The following CNTLN variants were observed in gnomAD, a reference collection of about 807,000 sequenced individuals.
CNTLN encodes the protein centlein.
CNTLN carries 212 observed loss-of-function variants against 180.0 expected under a neutral mutation model. The observed-to-expected ratio is 1.18, with a 90% CI of 1.05 to 1.32. The LOEUF is 1.32. Among genes scored for constraint, CNTLN ranks in the 40% most tolerant of loss-of-function variants. The probability of loss-of-function intolerance (pLI) is 0.00; values close to 1 mark genes in which losing one functional copy is unlikely to be tolerated. For missense variants in CNTLN, 2,095 were observed against 1,610.9 expected (o/e 1.30, Z -5.14); for synonymous variants, 722 against 563.1 (o/e 1.28, Z -3.99).
At chr9:17,522,782 T>C in the CNTLN span, among the ~76,000 whole-genome samples, 4 of 151,664 alleles carry the variant, frequency 2.6e-5, no homozygotes, top group African/African-American at 9.8e-5. Flanking sequence ...TTCCAAGGAT[T>C]GATGCCCAAG....
chr9:17,379,700 G>A (rs1825069045), intron 13 of CNTLN, among the ~76,000 whole-genome samples: 1 of 152,052 alleles, frequency 6.6e-6, no homozygotes, highest in Non-Finnish European at 1.5e-5. Context: ...TATTGAACAT[G>A]TTTTCTCTAG....
intron 2 of CNTLN, among the ~76,000 whole-genome samples, chr9:17,174,801 C>T (rs1472566510): frequency 2.0e-5 from 3 of 151,838 alleles, no homozygotes; most frequent in African/African-American, 7.3e-5. Flanking sequence ...GGTTTATCTG[C>T]TTCTTCACCA....
chr9:17,271,237 A>C (rs1030790875), intron 5 of CNTLN, among the ~76,000 whole-genome samples: 1 of 151,808 alleles, frequency 6.6e-6, no homozygotes, highest in African/African-American at 2.4e-5. Context: ...CACCGCGCCC[A>C]GCACTATTTT....
chr9:17,253,018 C>T (rs916894998), intron 5 of CNTLN, among the ~76,000 whole-genome samples: 6 of 151,452 alleles, frequency 4.0e-5, no homozygotes, highest in African/African-American at 9.6e-5. Flanking sequence ...ATTGAAGAGG[C>T]GCTATCCTAT....
At chr9:17,178,900 G>C (rs997608344) in intron 2 of CNTLN, among the ~76,000 whole-genome samples, 1 of 152,184 alleles carries the variant, frequency 6.6e-6, no homozygotes, top group Non-Finnish European at 1.5e-5. Flanking sequence ...AGGAGGCGCC[G>C]AGAGCGAGGG....
chr9:17,164,879 A>G (rs1444446813), intron 2 of CNTLN, among the ~76,000 whole-genome samples: 2 of 135,036 alleles, frequency 1.5e-5, no homozygotes, highest in African/African-American at 5.7e-5. Context: ...TCTGTCGCCC[A>G]GGCTCAAGTG....
chr9:17,415,259 C>G (rs1043515807), intron 16 of CNTLN, among the ~76,000 whole-genome samples: 2 of 152,074 alleles, frequency 1.3e-5, no homozygotes, highest in South Asian at 4.1e-4. Flanking sequence ...TTATTATTGT[C>G]AGCATTATTT....
chr9:17,326,429 A>C (rs1223490450), intron 8 of CNTLN, among the ~76,000 whole-genome samples: 1 of 152,116 alleles, frequency 6.6e-6, no homozygotes, highest in African/African-American at 2.4e-5. Flanking sequence ...TGATTTTGCT[A>C]TACATGTAAA....
chr9:17,378,289 C>T (rs1425345523), intron 13 of CNTLN, among the ~76,000 whole-genome samples: 4 of 152,166 alleles, frequency 2.6e-5, no homozygotes, highest in Admixed American at 2.0e-4. Flanking sequence ...AAGCAATTCT[C>T]CTGCCTCAGT....
chr9:17,174,828 T>G (rs1473670153), intron 2 of CNTLN, among the ~76,000 whole-genome samples: 1 of 152,214 alleles, frequency 6.6e-6, no homozygotes, highest in Non-Finnish European at 1.5e-5. Context: ...GGTGTCACTA[T>G]GTTTTCTTTT....
intron 5 of CNTLN, among the ~76,000 whole-genome samples, chr9:17,245,078 A>C (rs1169781197): frequency 1.3e-5 from 2 of 152,184 alleles, no homozygotes; most frequent in East Asian, 1.9e-4. Context: ...AGTAGTTTAC[A>C]CTACAATTAC....
At chr9:17,408,872 A>C (rs1477960663) in intron 15 of CNTLN, among the ~76,000 whole-genome samples, 1 of 151,886 alleles carries the variant, frequency 6.6e-6, no homozygotes, top group African/African-American at 2.4e-5. Context: ...AAATAGCCAT[A>C]AGGGATGGAA....
At chr9:17,292,011 C>A (rs1473139589) in intron 6 of CNTLN, among the ~76,000 whole-genome samples, 1 of 152,286 alleles carries the variant, frequency 6.6e-6, no homozygotes, top group South Asian at 2.1e-4. Flanking sequence ...CTAATTACCT[C>A]AGCATTTGCT....
In CNTLN at chr9:17,332,074, G is replaced by A. The variant is rs143484578; in HGVS notation, c.1519-531G>A. On this transcript the variant is annotated intron_variant, in intron 9 of 25. Coordinates refer to ENST00000380647, the MANE Select transcript of CNTLN (RefSeq NM_017738.4). Reference sequence around the variant, plus strand: ...ATATGAAGCTGTACATAATATAAACGTATTCTTGTCTCTAGTTAGCCACAT... The same window carrying A: ...ATATGAAGCTGTACATAATATAAACATATTCTTGTCTCTAGTTAGCCACAT... Among the ~76,000 whole-genome samples the A allele has an allele frequency of 7.6e-4, 115 of 152,014 alleles. 1 individual carries two copies. Among genetic ancestry groups the A allele is most frequent in the African/African-American group, 2.2e-3 (91 of 41,488 alleles).
At chr9:17,226,980 C>G (rs1006439503) in intron 3 of CNTLN, among the ~76,000 whole-genome samples, 1 of 151,516 alleles carries the variant, frequency 6.6e-6, no homozygotes, top group Non-Finnish European at 1.5e-5. Flanking sequence ...ATGTGCACAA[C>G]GTGCAGGTTT....
At chr9:17,461,839 A>T (rs1232657002) in intron 19 of CNTLN, among the ~76,000 whole-genome samples, 1 of 151,766 alleles carries the variant, frequency 6.6e-6, no homozygotes, top group Non-Finnish European at 1.5e-5. Context: ...GAAAAACTAA[A>T]TACCAAAAAG....
intron 12 of CNTLN, among the ~76,000 whole-genome samples, chr9:17,366,365 A>C (rs1227547245): frequency 6.6e-6 from 1 of 152,056 alleles, no homozygotes; most frequent in Non-Finnish European, 1.5e-5. Flanking sequence ...GCTGGTCTTG[A>C]ACTTCTAGTC....
intron 16 of CNTLN, among the ~76,000 whole-genome samples, chr9:17,412,346 G>T (rs112380196): frequency 1.1e-4 from 17 of 152,258 alleles, no homozygotes; most frequent in African/African-American, 3.9e-4. Flanking sequence ...GGATACAATT[G>T]AAAATCACAC....
chr9:17,167,474 T>A (rs531723891), intron 2 of CNTLN: 1 of 152,440 alleles, frequency 6.6e-6, no homozygotes, highest in South Asian at 2.1e-4. Flanking sequence ...TTAGCAAGCA[T>A]GTGTTTAATG....
Sources: allele counts gnomAD v4.1 joint callset (sites outside exome capture counted in the v4.1 genomes callset), GRCh38; gene constraint gnomAD v4.1.1; transcripts MANE v1.5; gene names NCBI Gene and HGNC (gene_info 2026-07-23, HGNC 2026-07-21).